Variants in CFAP54 observed in about 807,000 individuals in gnomAD.
The protein encoded by CFAP54 is cilia and flagella associated protein 54.
CFAP54 carries 290 observed loss-of-function variants against 370.4 expected under a neutral mutation model. That is an observed-to-expected ratio of 0.78 (90% CI 0.71 to 0.86). CFAP54 has a LOEUF of 0.86. Among genes scored for constraint, CFAP54 ranks in the 40% least tolerant of loss-of-function variants. The probability of loss-of-function intolerance (pLI) is 0.00; values close to 1 mark genes in which losing one functional copy is unlikely to be tolerated. For missense variants in CFAP54, 3,399 were observed against 3,528.7 expected, an observed-to-expected ratio of 0.96 and a Z score of 0.93; for synonymous variants, 1,206 against 1,236.5, an observed-to-expected ratio of 0.98 and a Z score of 0.52.
intron 40 of CFAP54, among the ~76,000 whole-genome samples, chr12:96,683,991 C>T (rs576007243): frequency 6.6e-6 from 1 of 152,224 alleles, no homozygotes; most frequent in East Asian, 1.9e-4. Context: ...GGGGTTTCAC[C>T]ATGTTGACCA....
intron 46 of CFAP54, among the ~76,000 whole-genome samples, chr12:96,701,253 TTGAC>T (rs1464659176): frequency 6.6e-6 from 1 of 152,108 alleles, no homozygotes; most frequent in Non-Finnish European, 1.5e-5. Context: ...AGTCAGTTGA[TTGAC>T]TGTTTTGCTC....
intron 60 of CFAP54, among the ~76,000 whole-genome samples, chr12:96,778,381 G>C (rs117297591): frequency 0.015 from 2,242 of 152,214 alleles, 29 homozygotes; most frequent in South Asian, 0.071. Context: ...ATCACATATA[G>C]GTTTATAATT....
In CFAP54 at chr12:96,561,704, TACACACACACAC is replaced by T. The variant is rs56098924; in HGVS notation, c.2411-2732_2411-2721del. Among the ~76,000 whole-genome samples, 1,165 of 125,362 alleles carry T rather than the reference TACACACACACAC, an allele frequency of 9.3e-3. 13 individuals carry two copies. Among genetic ancestry groups the T allele is most frequent in the African/African-American group, 0.03 (996 of 33,328 alleles). 82.2% of individuals were successfully genotyped at this position (125,362 alleles called of 152,430 possible). A position where few individuals can be genotyped will look rare whatever the true frequency, so the allele number is the denominator to read the frequency against. On this transcript the variant is annotated intron_variant, in intron 17 of 67. Transcript: ENST00000524981. The stretch of plus-strand genomic sequence containing the variant: ...CCTTTTAGTAGATAGAGCTAAGAAA[TACACACACACAC>T]ACACACACACACACACACACACACA...
At chr12:96,808,509 A>G (rs1377274971) in intron 63 of CFAP54, among the ~76,000 whole-genome samples, 2 of 152,204 alleles carry the variant, frequency 1.3e-5, no homozygotes, top group Admixed American at 6.5e-5. Flanking sequence ...GAGACACTCA[A>G]GATATCCAGG....
intron 67 of CFAP54, among the ~76,000 whole-genome samples, chr12:96,870,627 G>T (rs1565769236): frequency 2.0e-5 from 3 of 152,094 alleles, no homozygotes; most frequent in Non-Finnish European, 4.4e-5. Context: ...ACATCTTCGG[G>T]GGAAGTTCGT....
At chr12:96,521,813 C>G in intron 6 of CFAP54, 44 bp from the exon 7 acceptor site, 1 of 1,340,876 alleles carries the variant, frequency 7.5e-7, no homozygotes, top group Non-Finnish European at 1.0e-6. Context: ...ATTTTAATCA[C>G]TATATTCTGA....
chr12:96,496,919 G>T (rs745780135), intron 1 of CFAP54, among the ~76,000 whole-genome samples: 4 of 152,128 alleles, frequency 2.6e-5, no homozygotes, highest in African/African-American at 9.7e-5. Flanking sequence ...TGTTTGTTTT[G>T]TTTTTATTTT....
At chr12:96,526,598 A>G (rs1419135123) in intron 8 of CFAP54, among the ~76,000 whole-genome samples, 1 of 152,212 alleles carries the variant, frequency 6.6e-6, no homozygotes, top group Non-Finnish European at 1.5e-5. Context: ...TTAGGTAACC[A>G]AAGTTTGAAT....
intron 66 of CFAP54, among the ~76,000 whole-genome samples, chr12:96,836,420 G>C (rs552183696): frequency 6.6e-6 from 1 of 152,164 alleles, no homozygotes; most frequent in Non-Finnish European, 1.5e-5. Context: ...AGCTTTCTCA[G>C]TGTAGGAATG....
intron 66 of CFAP54, among the ~76,000 whole-genome samples, chr12:96,853,692 G>A (rs1426927788): frequency 2.0e-5 from 3 of 152,136 alleles, no homozygotes; most frequent in Non-Finnish European, 4.4e-5. Context: ...TGCCTGGAAT[G>A]TCTAGAAAGG....
At chr12:96,767,827 T>G (rs1383069798) in intron 60 of CFAP54, among the ~76,000 whole-genome samples, 1 of 150,684 alleles carries the variant, frequency 6.6e-6, no homozygotes, top group African/African-American at 2.4e-5. Context: ...CTCAGTAATC[T>G]TAGCTTTAAA....
At chr12:96,585,306 G>A (rs1429316269) in intron 22 of CFAP54, among the ~76,000 whole-genome samples, 3 of 151,960 alleles carry the variant, frequency 2.0e-5, no homozygotes, top group South Asian at 2.1e-4. Context: ...GATTACAGGC[G>A]TGTGCCACCA....
At chr12:96,552,473 A>G (rs891345310) in intron 15 of CFAP54, among the ~76,000 whole-genome samples, 1 of 151,792 alleles carries the variant, frequency 6.6e-6, no homozygotes, top group Admixed American at 6.6e-5. Flanking sequence ...TCTCCCAAGT[A>G]TGTGGGACTA....
chr12:96,781,789 T>C (rs1565976355), intron 60 of CFAP54, among the ~76,000 whole-genome samples: 1 of 152,118 alleles, frequency 6.6e-6, no homozygotes, highest in Non-Finnish European at 1.5e-5. Flanking sequence ...TAATATTTCA[T>C]GTCACAGAAA....
intron 64 of CFAP54, among the ~76,000 whole-genome samples, chr12:96,813,976 C>T (rs1375142993): frequency 2.0e-5 from 3 of 152,140 alleles, no homozygotes; most frequent in Non-Finnish European, 4.4e-5. Context: ...TCATGGGGTC[C>T]AGGCCTCACA....
At chr12:96,616,458 A>G (rs1354132078) in intron 26 of CFAP54, among the ~76,000 whole-genome samples, 2 of 152,222 alleles carry the variant, frequency 1.3e-5, no homozygotes, top group African/African-American at 4.8e-5. Context: ...ACATGTAGAC[A>G]TACATAACAA....
chr12:96,543,470 TG>T (rs978729685), intron 14 of CFAP54, among the ~76,000 whole-genome samples: 1 of 152,220 alleles, frequency 6.6e-6, no homozygotes, highest in African/African-American at 2.4e-5. Flanking sequence ...GCTAGGAGAC[TG>T]GGGGTAAGAA....
Position 96,658,291 on chromosome 12 carries a change from G to A in CFAP54, c.5405G>A (p.Gly1802Asp). The A allele has an allele frequency of 6.2e-7, 1 of 1,614,106 alleles. No homozygotes were observed. The highest frequency in any genetic ancestry group is 8.5e-7 in the Non-Finnish European group (1 of 1,179,988). Residue 1802 changes from glycine (G) to aspartate (D), a missense_variant, in exon 38 of 68, where the codon GGC becomes GAC. Coordinates refer to ENST00000524981, the MANE Select transcript of CFAP54 (RefSeq NM_001306084.2). ...CTGCTGAGAATACAGAAGTTCAAGG[G>A]CCCAGATATTACCCAACAACCTTGT... ...QLLLRIQKFK[G>D]PDITQQPCAR...
chr12:96,853,508 C>T (rs1359501254), intron 66 of CFAP54, among the ~76,000 whole-genome samples: 2 of 152,086 alleles, frequency 1.3e-5, no homozygotes, highest in African/African-American at 2.4e-5. Flanking sequence ...TATGACTTCT[C>T]CTTTTCTGTC....
Sources: gnomAD v4.1 joint callset for allele counts (sites outside exome capture counted in the v4.1 genomes callset) on GRCh38, gnomAD v4.1.1 for gene constraint, MANE v1.5 for transcripts, NCBI Gene and HGNC (gene_info 2026-07-23, HGNC 2026-07-21) for gene names.